The following HDGF variants were observed in gnomAD, a reference collection of about 807,000 sequenced individuals.
The protein encoded by HDGF is heparin binding growth factor.
HDGF carries 5 observed loss-of-function variants against 30.0 expected under a neutral mutation model. That is an observed-to-expected ratio of 0.17 (90% CI 0.09 to 0.35). The LOEUF (loss-of-function observed/expected upper bound fraction) is 0.35, where lower values mean the gene tolerates loss of function less well. HDGF is among the 10% of genes least tolerant of loss of function. The pLI, the probability that HDGF is intolerant of heterozygous loss-of-function variation, is 1.00. For missense variants in HDGF, 214 were observed against 302.8 expected (o/e 0.71, Z 2.18); for synonymous variants, 133 against 112.7 (o/e 1.18, Z -1.14).
Position 156,743,232 on chromosome 1 carries a change from A to C in HDGF, c.*217T>G. 2.0e-6 allele frequency: 1 copy of C among 511,806 alleles called. No individual in the cohort carries two copies. The highest frequency in any genetic ancestry group is 3.1e-5 in the South Asian group (1 of 32,350). 31.7% of individuals were successfully genotyped at this position (511,806 alleles called of 1,614,324 possible). A position where few individuals can be genotyped will look rare whatever the true frequency, so the allele number is the denominator to read the frequency against. On this transcript the variant is annotated 3_prime_UTR_variant, in exon 6 of 6. Coordinates refer to ENST00000357325, the MANE Select transcript of HDGF (RefSeq NM_004494.3). ...GGGAGAAGACATGGCTCTGACTCAG[A>C]TCATAGGAGTATGGGGACCTAGAGG...
rs1260868990 is a variant in HDGF at position 156,743,816 on chromosome 1, G to A, written c.552C>T (p.Thr184=). 6.2e-7 allele frequency: 1 copy of A among 1,611,612 alleles called. No homozygotes were observed. The highest frequency in any genetic ancestry group is 1.3e-5 in the African/African-American group (1 of 74,832). The change falls in exon 5 of 6, where the codon ACC becomes ACT. Residue 184 remains threonine, a synonymous_variant. Coordinates refer to ENST00000357325, the MANE Select transcript of HDGF (RefSeq NM_004494.3). ...NPEGEEKEAA[T]LEVERPLPME... The stretch of plus-strand genomic sequence containing the variant: ...TAGGAAGGGGCCTCTCAACCTCCAA[G>A]GTGGCTGCCTCCTTCTCCTCTCCTT...
At position 156,751,524 on chromosome 1, in the gene HDGF, C is replaced by T; in HGVS notation, c.-95G>A. 1 of 1,056,410 alleles carries T rather than the reference C, an allele frequency of 9.5e-7. No individual in the cohort carries two copies. The highest frequency in any genetic ancestry group is 1.1e-6 in the Non-Finnish European group (1 of 873,418). 65.4% of individuals were successfully genotyped at this position (1,056,410 alleles called of 1,614,324 possible). On this transcript the variant is annotated 5_prime_UTR_variant, in exon 1 of 6. Transcript: ENST00000357325. This position sits in a 1 kb window ranked among gnomAD's most constrained non-coding sequence, Gnocchi z 4.7. ...GGTGGCGGCGCCGCTCCGCTCCGGC[C>T]CTCGCGCGGCCCCCGCCTCGATGGT...
rs749411435 is a variant in HDGF, at chr1:156,743,796, A to C, written c.572T>G (p.Leu191Arg). The part of the protein sequence containing the change: ...EAATLEVERP[L>R]PMEVEKNSTP... The stretch of plus-strand genomic sequence containing the variant: ...GCTATTCTTTTCCACCTCCATAGGA[A>C]GGGGCCTCTCAACCTCCAAGGTGGC... The change falls in exon 5 of 6, where the codon CTT becomes CGT. Residue 191 changes from leucine to arginine, a missense_variant. Coordinates refer to ENST00000357325, the MANE Select transcript of HDGF (RefSeq NM_004494.3). The C allele has an allele frequency of 6.2e-7, 1 of 1,608,588 alleles. No individual in the cohort carries two copies. The highest frequency in any genetic ancestry group is 8.5e-7 in the Non-Finnish European group (1 of 1,177,278).
chr1:156,760,336 C>T (rs1046967009), intron 1 of HDGF, among the ~76,000 whole-genome samples: 56 of 152,186 alleles, frequency 3.7e-4, no homozygotes, highest in African/African-American at 1.3e-3. Context: ...CTCAGGGAGG[C>T]GTGTGGGTGA....
At chr1:156,752,147 C>T (rs779903170), upstream of HDGF, 6 of 1,551,488 alleles carry the variant, frequency 3.9e-6, no homozygotes, top group Non-Finnish European at 5.2e-6. Flanking sequence ...TTCTTGGCAG[C>T]GTGCTAGGCG....
chr1:156,745,437 G>A, intron 1 of HDGF, 64 bp from the exon 2 acceptor site: 1 of 1,376,882 alleles, frequency 7.3e-7, no homozygotes, highest in Admixed American at 1.9e-5. Flanking sequence ...AGGCAGGGGT[G>A]CTGACCTCCA....
upstream of HDGF, chr1:156,752,468 C>T: frequency 1.0e-6 from 1 of 999,992 alleles, no homozygotes. Context: ...CGGTAGAATG[C>T]CAATAAACCC....
upstream of HDGF, chr1:156,751,862 C>A: frequency 1.0e-6 from 1 of 983,220 alleles, no homozygotes; most frequent in Non-Finnish European, 1.4e-6. The surrounding 1 kb of genome is among the most constrained non-coding windows in gnomAD (Gnocchi z 4.7). Context: ...GGCCCAACGC[C>A]CAACCCGGAG....
In HDGF at chr1:156,744,055, C is replaced by T. The variant is rs748709885; in HGVS notation, c.489+108G>A. On this transcript the variant is annotated intron_variant, in intron 4 of 5. Coordinates refer to ENST00000357325, the MANE Select transcript of HDGF (RefSeq NM_004494.3). Reference sequence around the variant, plus strand: ...GCTGGGGACTCCCCAAGACTAGGGGCTGGATCGACCTCTCAGACTGGGCAC... The same window carrying T: ...GCTGGGGACTCCCCAAGACTAGGGGTTGGATCGACCTCTCAGACTGGGCAC... The T allele has an allele frequency of 3.2e-4, 392 of 1,214,048 alleles. 2 individuals are homozygous for T. The highest frequency in any genetic ancestry group is 4.2e-4 in the Non-Finnish European group (348 of 821,568). 75.2% of individuals were successfully genotyped at this position (1,214,048 alleles called of 1,614,324 possible). A position where few individuals can be genotyped will look rare whatever the true frequency, so the allele number is the denominator to read the frequency against.
intron 3 of HDGF, 78 bp from the exon 4 acceptor site, chr1:156,744,426 A>G: frequency 6.6e-7 from 1 of 1,515,842 alleles, no homozygotes; most frequent in East Asian, 2.3e-5. Flanking sequence ...TCCCTCAGCC[A>G]CTCACTCCTT....
chr1:156,763,814 C>G (rs902934667), intron 1 of HDGF, among the ~76,000 whole-genome samples: 6 of 152,134 alleles, frequency 3.9e-5, no homozygotes, highest in Non-Finnish European at 1.5e-5. Context: ...TCTCGAACTC[C>G]TGAGCTCAGG....
upstream of HDGF, chr1:156,752,452 C>A: frequency 1.6e-6 from 2 of 1,239,760 alleles, no homozygotes; most frequent in South Asian, 2.6e-5. Flanking sequence ...CAGTTCTAGT[C>A]GGTTACGGTA....
chr1:156,752,037 C>G (rs902209639), upstream of HDGF: 1 of 1,550,966 alleles, frequency 6.4e-7, no homozygotes, highest in Non-Finnish European at 8.7e-7. Context: ...GGAGCGCTCA[C>G]CACCGCGGCC....
chr1:156,743,871 G>A lies in HDGF; in HGVS notation c.497C>T (p.Pro166Leu). ...GTTTTCTGCCTCCTTGGGACGTTTA[G>A]GAGAGTCCTAGGCAGGATCAACAGA... ...RRAGDLLEDSPKRPKEAENPE... is the reference protein window; with the variant it reads ...RRAGDLLEDSLKRPKEAENPE... Residue 166 changes from proline (P) to leucine (L), a missense_variant, in exon 5 of 6, where the codon CCT (proline) becomes CTT (leucine). Pro to Leu is a moderately conservative substitution (Grantham distance 98). This residue lies in a region of HDGF where 176 missense variants were observed against 211.7 expected (regional missense o/e 0.83). Transcript: ENST00000357325. 1 of 1,612,842 alleles carries A rather than the reference G, an allele frequency of 6.2e-7. No homozygotes were observed. The highest frequency in any genetic ancestry group is 8.5e-7 in the Non-Finnish European group (1 of 1,178,938).
intron 1 of HDGF, among the ~76,000 whole-genome samples, chr1:156,761,605 T>C (rs1271137449): frequency 7.6e-6 from 1 of 131,148 alleles, no homozygotes; most frequent in African/African-American, 2.9e-5. Flanking sequence ...TGAGACTCTG[T>C]CTCAAAACAA....
chr1:156,762,241 A>G (rs992416318), intron 1 of HDGF, among the ~76,000 whole-genome samples: 2 of 151,562 alleles, frequency 1.3e-5, no homozygotes, highest in Non-Finnish European at 1.5e-5. Context: ...ACAGTTTCAT[A>G]TAAGGAAAAA....
At chr1:156,747,438 G>A (rs1249568539) in intron 1 of HDGF, 2 of 151,984 alleles carry the variant, frequency 1.3e-5, no homozygotes, top group African/African-American at 2.4e-5. Context: ...GCCAGACCTG[G>A]AGCAGGGACA....
chr1:156,753,739 C>T (rs188368950), upstream of HDGF, among the ~76,000 whole-genome samples: 131 of 151,246 alleles, frequency 8.7e-4, no homozygotes, highest in Admixed American at 8.5e-3. Context: ...TTAGTAGAGA[C>T]GGGGTTTCAC....
rs1331891029 is a variant in HDGF, at chr1:156,751,074, C to CG, written c.87+268dup. ...GAACTGAGCACGCGGAGCTGGGGGCCGGGAAGTGACCGGCGCCCTCGGATC... is the reference window on the plus strand; with the variant it reads ...GAACTGAGCACGCGGAGCTGGGGGCCGGGGAAGTGACCGGCGCCCTCGGATC... On this transcript the variant is annotated intron_variant, in intron 1 of 5. Transcript: ENST00000357325. This position sits in a 1 kb window ranked among gnomAD's most constrained non-coding sequence, Gnocchi z 4.7. 1.3e-5 allele frequency among the ~76,000 whole-genome samples: 2 copies of CG among 151,894 alleles called. No individual in the cohort carries two copies. The highest frequency in any genetic ancestry group is 2.9e-5 in the Non-Finnish European group (2 of 67,962).
Sources: gnomAD v4.1 joint callset for allele counts (sites outside exome capture counted in the v4.1 genomes callset) on GRCh38, gnomAD v4.1.1 for gene constraint, gnomAD v4.1.1 regional missense constraint, Gnocchi (gnomAD v3.1) non-coding constraint, MANE v1.5 for transcripts, NCBI Gene and HGNC (gene_info 2026-07-23, HGNC 2026-07-21) for gene names.